Variants in GAS5 observed in about 807,000 individuals in gnomAD.
GAS5 encodes growth arrest specific 5, also known as growth arrest specific 5 (non-protein coding).
intron 6 of GAS5, chr1:173,864,403 A>AT (rs779244406): frequency 1.9e-6 from 1 of 519,120 alleles, no homozygotes; most frequent in South Asian, 1.4e-5. Context: ...TTTTACAGTG[A>AT]TATCATTATA....
At chr1:173,866,477 G>C (rs1035047859) in intron 3 of GAS5, 7 of 645,906 alleles carry the variant, frequency 1.1e-5, no homozygotes, top group African/African-American at 1.1e-4. Context: ...CATTGCTTTG[G>C]CTATTTTCTA....
At chr1:173,867,395 A>G (rs1654916721), upstream of GAS5, 1 of 354,470 alleles carries the variant, frequency 2.8e-6, no homozygotes, top group Non-Finnish European at 5.5e-6. Flanking sequence ...GCGCGCCTGT[A>G]GTCCCAGTTA....
chr1:173,864,010 C>A lies in GAS5; in HGVS notation n.324+247G>T, dbSNP rs890059249. On this transcript the variant is annotated intron_variant and non_coding_transcript_variant, in intron 7 of 7. Transcript: ENST00000651080. ...ACTGGGAGGCTGAGGATCACTTGAG[C>A]CCAGAAGTTTGAGGCTGTAGTAAGC... The A allele has an allele frequency of 2.6e-5, 9 of 348,644 alleles. No homozygotes were observed. The Admixed American group carries it at 2.7e-4, about 11-fold the overall frequency. 21.6% of individuals were successfully genotyped at this position (348,644 alleles called of 1,614,324 possible).
At chr1:173,867,854 C>T (rs1413837171), upstream of GAS5, 4 of 466,274 alleles carry the variant, frequency 8.6e-6, no homozygotes, top group Non-Finnish European at 1.3e-5. Flanking sequence ...GTAGGCCCTG[C>T]AAAGGCGCGC....
At chr1:173,864,659 C>A (rs1364015018) in intron 6 of GAS5, 1 of 400,914 alleles carries the variant, frequency 2.5e-6, no homozygotes, top group South Asian at 1.8e-5. Context: ...AAATTTCCTT[C>A]AAAGTTTAAA....
intron 3 of GAS5, chr1:173,866,326 TCTTCATGATTAAATCTGCTGAA>T: frequency 1.9e-6 from 1 of 520,472 alleles, no homozygotes; most frequent in South Asian, 1.4e-5. Context: ...ATAGTACATC[TCTTCATGATTAAATCTGCTGAA>T]CTATGCAACC....
At chr1:173,864,021 G>C (rs1347179598) in intron 7 of GAS5, 1 of 357,274 alleles carries the variant, frequency 2.8e-6, no homozygotes, top group Non-Finnish European at 5.7e-6. Context: ...CCAGAAGTTT[G>C]AGGCTGTAGT....
upstream of GAS5, chr1:173,867,511 CA>C: frequency 8.0e-6 from 3 of 373,838 alleles, no homozygotes; most frequent in South Asian, 5.9e-5. Context: ...GGCTCGGTCT[CA>C]AAAAAGAAAA....
chr1:173,866,970 C>T, intron 1 of GAS5: 2 of 765,458 alleles, frequency 2.6e-6, no homozygotes, highest in South Asian at 1.3e-5. Context: ...TTCTTCCCAC[C>T]ATACTTTCCC....
At chr1:173,869,043 T>TCTGAATTC, upstream of GAS5, 1 of 152,612 alleles carries the variant, frequency 6.6e-6, no homozygotes, top group African/African-American at 2.4e-5. Context: ...AATAAACACA[T>TCTGAATTC]CTGAATTCAT....
chr1:173,865,009 C>T (rs1433377426), intron 6 of GAS5: 12 of 455,568 alleles, frequency 2.6e-5, no homozygotes, highest in Non-Finnish European at 5.3e-5. Flanking sequence ...CACTTGAGGT[C>T]AAGAGTTCGA....
chr1:173,865,126 G>T, intron 6 of GAS5: 1 of 341,004 alleles, frequency 2.9e-6, no homozygotes, highest in Non-Finnish European at 5.7e-6. Flanking sequence ...TTGAACCTGG[G>T]AGGCAGAGGT....
chr1:173,868,384 C>A (rs1655150879), upstream of GAS5: 1 of 153,284 alleles, frequency 6.5e-6, no homozygotes, highest in African/African-American at 2.4e-5. Context: ...CGGCCCATTC[C>A]GGCCCATTTC....
Position 173,864,135 on chromosome 1 carries a change from A to G in GAS5, n.324+122T>C, listed in dbSNP as rs746974346. On this transcript the variant is annotated intron_variant and non_coding_transcript_variant, in intron 7 of 7. Coordinates refer to ENST00000651080, the Ensembl canonical transcript of GAS5. ...ATTTACAGACTTCAATTAAAATGCTACATGGGAATGCAGAATATCAGATAT... is the reference window on the plus strand; with the variant it reads ...ATTTACAGACTTCAATTAAAATGCTGCATGGGAATGCAGAATATCAGATAT... 34 of 516,570 alleles carry G rather than the reference A, an allele frequency of 6.6e-5. 1 individual carries two copies. Among genetic ancestry groups the G allele is most frequent in the South Asian group, 3.9e-4 (28 of 71,470 alleles). The allele number at this position is 516,570 out of a possible 1,614,324, so 32.0% of individuals were successfully genotyped here.
upstream of GAS5, chr1:173,867,605 G>A (rs1029130683): frequency 1.9e-6 from 1 of 517,396 alleles, no homozygotes; most frequent in Non-Finnish European, 3.9e-6. Flanking sequence ...CCTTTCATGA[G>A]AGCGGACGGC....
intron 6 of GAS5, chr1:173,865,270 C>T (rs772328455): frequency 2.5e-6 from 1 of 393,426 alleles, no homozygotes; most frequent in Non-Finnish European, 5.0e-6. Context: ...GTAGTCAAGC[C>T]GACTCTCCAT....
Position 173,865,423 on chromosome 1 carries a change from A to G in GAS5, n.276+48T>C, listed in dbSNP as rs764244915. On this transcript the variant is annotated intron_variant and non_coding_transcript_variant, in intron 6 of 7. Transcript: ENST00000651080. ...CATCTGCTTTAATTTTAAAATCATC[A>G]CTAACAGTAGCTCAATCAATTAACG... is the stretch of plus-strand genomic sequence containing the variant. The G allele has an allele frequency of 5.8e-6, 3 of 516,052 alleles. No homozygotes were observed. The East Asian group carries it at 1.6e-4, about 28-fold the overall frequency. 32.0% of individuals were successfully genotyped at this position (516,052 alleles called of 1,614,324 possible).
At chr1:173,864,282 G>A in exon 7 of GAS5, 1 of 512,918 alleles carries the variant, frequency 1.9e-6, no homozygotes, top group Middle Eastern at 3.2e-4. Context: ...CTGCATGCTT[G>A]CTTGTTGTGG....
chr1:173,868,557 C>G (rs949224100), upstream of GAS5, among the ~76,000 whole-genome samples: 2 of 152,220 alleles, frequency 1.3e-5, no homozygotes, highest in Non-Finnish European at 2.9e-5. Flanking sequence ...CGACCTTCCA[C>G]CCCCTTGGCC....
Sources: allele counts gnomAD v4.1 joint callset (sites outside exome capture counted in the v4.1 genomes callset), GRCh38; gene constraint gnomAD v4.1.1; transcripts MANE v1.5; gene names NCBI Gene and HGNC (gene_info 2026-07-23, HGNC 2026-07-21).